Variants in KLRF1 observed in about 807,000 individuals in gnomAD.
KLRF1 encodes killer cell lectin-like receptor subfamily F member 1.
KLRF1 carries 27 observed loss-of-function variants against 30.7 expected under a neutral mutation model. The ratio of observed to expected loss-of-function variants is 0.88; its 90% CI spans 0.65 to 1.21. The LOEUF (loss-of-function observed/expected upper bound fraction) is 1.21, where lower values mean the gene tolerates loss of function less well. Among genes scored for constraint, KLRF1 ranks in the 50% most tolerant of loss-of-function variants. KLRF1 has a pLI of 0.00. For synonymous variants in KLRF1, 92 were observed against 89.3 expected, an observed-to-expected ratio of 1.03 and a Z score of -0.17; for missense variants, 246 against 259.3, an observed-to-expected ratio of 0.95 and a Z score of 0.35.
At chr12:9,820,848 C>G in the KLRF1 span, among the ~76,000 whole-genome samples, 1 of 152,150 alleles carries the variant, frequency 6.6e-6, no homozygotes, top group Non-Finnish European at 1.5e-5. Context: ...ACTGGCCCCT[C>G]CAGCACACCA....
At chr12:9,805,958 T>A in the KLRF1 span, among the ~76,000 whole-genome samples, 1 of 152,098 alleles carries the variant, frequency 6.6e-6, no homozygotes, top group African/African-American at 2.4e-5. Context: ...TTTGTTGATA[T>A]CTTCAAAGAA....
the KLRF1 span, among the ~76,000 whole-genome samples, chr12:9,813,406 G>T: frequency 8.5e-5 from 13 of 152,206 alleles, no homozygotes; most frequent in East Asian, 1.4e-3. Flanking sequence ...TTCTGTGCAT[G>T]TGATCCTCCC....
At chr12:9,817,452 A>G in the KLRF1 span, 1 of 439,226 alleles carries the variant, frequency 2.3e-6, no homozygotes, top group Non-Finnish European at 4.3e-6. Context: ...AACAGGTCGT[A>G]GATTCTCTGA....
In KLRF1 at chr12:9,832,352, T is replaced by C; in HGVS notation, c.122T>C (p.Leu41Pro). 1 of 1,609,736 alleles carries C rather than the reference T, an allele frequency of 6.2e-7. No homozygotes were observed. Among genetic ancestry groups the C allele is most frequent in the South Asian group, 1.1e-5 (1 of 90,830 alleles). Residue 41 changes from leucine (L) to proline (P), a missense_variant, in exon 2 of 6, where the codon CTG (leucine) becomes CCG (proline). Leu to Pro is a moderately conservative substitution (Grantham distance 98). Transcript: ENST00000617889. ...SVTLHWYKIL[L>P]GISGTVNGIL... ...ACGTTGCACTGGTATAAAATCTTACTGGGAATATCTGGAACCGTGAATGGT... is the reference window on the plus strand; with the variant it reads ...ACGTTGCACTGGTATAAAATCTTACCGGGAATATCTGGAACCGTGAATGGT...
rs749458719 is a variant in KLRF1 at position 9,843,313 on chromosome 12, T to C, written c.587+880T>C. 1.1e-4 allele frequency among the ~76,000 whole-genome samples: 16 copies of C among 152,320 alleles called. No homozygotes were observed. The East Asian group carries it at 2.9e-3, about 28-fold the overall frequency. ...TGATCTTAGCCCTGTAGGGCAATCT[T>C]GGGCTTCTGATACTCATAGGTGTAA... On this transcript the variant is annotated intron_variant, in intron 5 of 5. Coordinates refer to ENST00000617889, the MANE Select transcript of KLRF1 (RefSeq NM_016523.3).
intron 3 of KLRF1, among the ~76,000 whole-genome samples, chr12:9,836,192 T>A (rs796074167): frequency 9.9e-5 from 15 of 152,170 alleles, no homozygotes; most frequent in African/African-American, 2.9e-4. Flanking sequence ...ATCCCTTCAT[T>A]CTATTAGGTC....
chr12:9,807,616 C>G, the KLRF1 span, among the ~76,000 whole-genome samples: 1 of 152,132 alleles, frequency 6.6e-6, no homozygotes, highest in Non-Finnish European at 1.5e-5. Context: ...ATCTTATATA[C>G]TTAGCTACAT....
chr12:9,842,062 G>A, intron 4 of KLRF1, 111 bp downstream of exon 4: 1 of 1,240,648 alleles, frequency 8.1e-7, no homozygotes, highest in Non-Finnish European at 1.1e-6. Flanking sequence ...ATCGAGTTTT[G>A]GGCACCCTCT....
intron 3 of KLRF1, among the ~76,000 whole-genome samples, chr12:9,840,682 C>T (rs1280026869): frequency 6.6e-6 from 1 of 151,944 alleles, no homozygotes; most frequent in African/African-American, 2.4e-5. Flanking sequence ...ACAAGGAGAG[C>T]GATTTTAAAA....
At chr12:9,825,260 TAAA>T (rs35934573), upstream of KLRF1, among the ~76,000 whole-genome samples, 1 of 138,082 alleles carries the variant, frequency 7.2e-6, no homozygotes, top group Non-Finnish European at 1.5e-5. Flanking sequence ...AAGGTACTGG[TAAA>T]AAAAAAAAAA....
At chr12:9,813,436 C>G in the KLRF1 span, among the ~76,000 whole-genome samples, 3 of 152,058 alleles carry the variant, frequency 2.0e-5, no homozygotes, top group African/African-American at 7.3e-5. Context: ...TCCCCAGTAG[C>G]TGGGAGTACA....
chr12:9,828,533 T>A (rs1396690954), intron 1 of KLRF1, among the ~76,000 whole-genome samples: 5 of 152,224 alleles, frequency 3.3e-5, no homozygotes, highest in African/African-American at 9.6e-5. Context: ...GCCACCTTAA[T>A]GTGATTTGGC....
chr12:9,826,805 T>C (rs1867291139), upstream of KLRF1, among the ~76,000 whole-genome samples: 1 of 152,004 alleles, frequency 6.6e-6, no homozygotes, highest in Non-Finnish European at 1.5e-5. Context: ...TCACTAATAA[T>C]TGGGATCTAA....
intron 1 of KLRF1, 95 bp downstream of exon 1, chr12:9,827,724 T>C: frequency 1.6e-6 from 1 of 639,318 alleles, no homozygotes; most frequent in Non-Finnish European, 2.7e-6. Flanking sequence ...TTTCAGTATT[T>C]GGGTGCTTTT....
chr12:9,822,508 G>A (rs138091824), upstream of KLRF1, among the ~76,000 whole-genome samples: 10 of 152,310 alleles, frequency 6.6e-5, no homozygotes, highest in East Asian at 1.9e-3. Context: ...ATAGGATTAT[G>A]TAAAGGCGCC....
At chr12:9,834,191 TC>T (rs1867517439) in intron 3 of KLRF1, among the ~76,000 whole-genome samples, 1 of 152,012 alleles carries the variant, frequency 6.6e-6, no homozygotes, top group South Asian at 2.1e-4. Flanking sequence ...CATTTTCACT[TC>T]TTTTATGGTG....
chr12:9,844,501 T>C lies in KLRF1; in HGVS notation c.671T>C (p.Val224Ala). ...ATTTTCTCTGAAACCTGCAGCAGTG[T>C]TTTCAAATGGATTTGTCAGTATTAG... ...SKIFSETCSS[V>A]FKWICQY Residue 224 changes from valine to alanine, a missense_variant, in exon 6 of 6, where the codon GTT becomes GCT. Val to Ala is a moderately conservative substitution (Grantham distance 64). Transcript: ENST00000617889. The C allele has an allele frequency of 6.2e-7, 1 of 1,604,178 alleles. No homozygotes were observed. The highest frequency in any genetic ancestry group is 8.5e-7 in the Non-Finnish European group (1 of 1,172,124).
chr12:9,835,379 A>T (rs1338491128), intron 3 of KLRF1, among the ~76,000 whole-genome samples: 1 of 151,924 alleles, frequency 6.6e-6, no homozygotes, highest in African/African-American at 2.4e-5. Context: ...TGTAATGGGG[A>T]CTGGTGGGGT....
At chr12:9,816,834 C>T in the KLRF1 span, among the ~76,000 whole-genome samples, 2 of 151,354 alleles carry the variant, frequency 1.3e-5, no homozygotes, top group Non-Finnish European at 2.9e-5. Context: ...CTCAGGTTCA[C>T]GCCATTCTCC....
Sources: allele counts gnomAD v4.1 joint callset (sites outside exome capture counted in the v4.1 genomes callset), GRCh38; gene constraint gnomAD v4.1.1; transcripts MANE v1.5; gene names NCBI Gene and HGNC (gene_info 2026-07-23, HGNC 2026-07-21).